BEND3: variants seen among roughly 807,000 people sequenced by gnomAD.
The protein encoded by BEND3 is BEN domain containing 3, also known as BEN domain-containing protein 3.
BEND3 carries 13 observed loss-of-function variants against 60.1 expected under a neutral mutation model. The observed-to-expected ratio is 0.22, with a 90% confidence interval of 0.14 to 0.34. The LOEUF is 0.34. Ranked by LOEUF, BEND3 falls within the 10% of genes least tolerant of loss-of-function variation. BEND3 has a pLI of 1.00. For synonymous variants in BEND3, 497 were observed against 491.5 expected (o/e 1.01, Z -0.15); for missense variants, 896 against 1,138.1 (o/e 0.79, Z 3.06).
intron 1 of BEND3, among the ~76,000 whole-genome samples, chr6:107,111,319 T>A (rs187510934): frequency 4.3e-4 from 65 of 152,298 alleles, no homozygotes; most frequent in African/African-American, 1.5e-3. Flanking sequence ...GAGACCAGCC[T>A]GGCCAACATG....
chr6:107,082,898 A>G (rs1389649532), intron 3 of BEND3, among the ~76,000 whole-genome samples: 2 of 152,194 alleles, frequency 1.3e-5, no homozygotes, highest in Non-Finnish European at 2.9e-5. Flanking sequence ...ATGTAATATG[A>G]CACAGAGAAA....
chr6:107,080,115 G>A (rs1437995930), intron 3 of BEND3, among the ~76,000 whole-genome samples: 2 of 151,828 alleles, frequency 1.3e-5, no homozygotes, highest in African/African-American at 4.8e-5. Context: ...CATTACATAT[G>A]GCTGGCTGTG....
In BEND3 at chr6:107,070,648, G is replaced by A. The variant is rs1582639321; in HGVS notation, c.543C>T (p.Ser181=). ...GGTCGTTGTCAGTGCCTGCCCCGGT[G>A]CTGCCACAGTCCCGCTTCTGTGGCT... ...LNEPQKRDCG[S]TGAGTDNDPN... is the part of the protein sequence containing the mutation. Residue 181 remains serine (S), a synonymous_variant, in exon 4 of 4, where the codon AGC becomes AGT. Transcript: ENST00000369042. This position sits in a 1 kb window ranked among gnomAD's most constrained non-coding sequence, Gnocchi z 6.9. The A allele has an allele frequency of 6.2e-7, 1 of 1,612,442 alleles. No homozygotes were observed. Among genetic ancestry groups the A allele is most frequent in the Non-Finnish European group, 8.5e-7 (1 of 1,179,908 alleles).
chr6:107,109,061 C>T (rs1479492949), intron 1 of BEND3, among the ~76,000 whole-genome samples: 1 of 152,090 alleles, frequency 6.6e-6, no homozygotes, highest in Non-Finnish European at 1.5e-5. Context: ...CCGCCTCAGC[C>T]TCCTAAGGTG....
intron 3 of BEND3, among the ~76,000 whole-genome samples, chr6:107,071,682 C>A (rs1554232107): frequency 6.6e-6 from 1 of 152,162 alleles, no homozygotes; most frequent in African/African-American, 2.4e-5. Context: ...TATATTCATA[C>A]AATGGAATAT....
chr6:107,072,144 C>G (rs1248519007), intron 3 of BEND3, among the ~76,000 whole-genome samples: 1 of 152,200 alleles, frequency 6.6e-6, no homozygotes, highest in African/African-American at 2.4e-5. Flanking sequence ...GTCGGGGGAG[C>G]AGGGAGCCTT....
At chr6:107,071,530 C>T (rs539499966) in intron 3 of BEND3, among the ~76,000 whole-genome samples, 40 of 152,296 alleles carry the variant, frequency 2.6e-4, no homozygotes, top group Non-Finnish European at 4.9e-4. Flanking sequence ...TGGAGAGCGG[C>T]TGTCTGATGC....
At chr6:107,084,979 A>C (rs527725011) in intron 3 of BEND3, among the ~76,000 whole-genome samples, 33 of 152,312 alleles carry the variant, frequency 2.2e-4, no homozygotes, top group African/African-American at 7.7e-4. Context: ...TCTTCACAAT[A>C]AATCTTGCTG....
chr6:107,109,870 G>A (rs1034311187), intron 1 of BEND3, among the ~76,000 whole-genome samples: 2 of 151,674 alleles, frequency 1.3e-5, no homozygotes, highest in Non-Finnish European at 2.9e-5. Flanking sequence ...GCAAAACTCC[G>A]TCTCAAAAAA....
At chr6:107,111,443 G>A (rs1171292679) in intron 1 of BEND3, among the ~76,000 whole-genome samples, 10 of 151,858 alleles carry the variant, frequency 6.6e-5, no homozygotes, top group South Asian at 4.1e-4. Flanking sequence ...CCCAGGAGGC[G>A]TAGGATGCAC....
At position 107,075,265 on chromosome 6, in the gene BEND3, G is replaced by A. The variant is rs185781370; in HGVS notation, c.241-4315C>T. Among the ~76,000 whole-genome samples the A allele has an allele frequency of 9.7e-4, 146 of 149,852 alleles. 1 individual carries two copies. The highest frequency in any genetic ancestry group is 1.5e-3 in the Non-Finnish European group (99 of 67,520). ...AAATAAATAAAGAGGGAGGGAAGGA[G>A]GAAATAAGAAAGCAAAAAGAATAGA... On this transcript the variant is annotated intron_variant, in intron 3 of 3. Coordinates refer to ENST00000369042, the MANE Select transcript of BEND3 (RefSeq NM_001367314.1).
At chr6:107,090,355 A>G (rs961519280) in intron 3 of BEND3, among the ~76,000 whole-genome samples, 1 of 152,152 alleles carries the variant, frequency 6.6e-6, no homozygotes, top group African/African-American at 2.4e-5. Flanking sequence ...TCTCAAGTAA[A>G]TAAATAAATA....
rs782444942 is a variant in BEND3 at position 107,068,872 on chromosome 6, G to A, written c.2319C>T (p.Asp773=). 5.6e-6 allele frequency: 9 copies of A among 1,613,946 alleles called. No individual in the cohort carries two copies. The highest frequency in any genetic ancestry group is 7.6e-6 in the Non-Finnish European group (9 of 1,180,042). The change falls in exon 4 of 4, where the codon GAC becomes GAT. Residue 773 remains aspartate (D), a synonymous_variant. Coordinates refer to ENST00000369042, the MANE Select transcript of BEND3 (RefSeq NM_001367314.1). The surrounding 1 kb of genome is among the most constrained non-coding windows in gnomAD (Gnocchi z 5.8). ...GGCGGATGAGCCGCAGCCGCGTGGGGTCCAGTTGCTTCTTGTTGCAAGCCC... is the reference window on the plus strand; with the variant it reads ...GGCGGATGAGCCGCAGCCGCGTGGGATCCAGTTGCTTCTTGTTGCAAGCCC... ...HSGACNKKQL[D]PTRLRLIRHY...
At chr6:107,103,502 C>A (rs555222461) in intron 1 of BEND3, among the ~76,000 whole-genome samples, 10 of 152,336 alleles carry the variant, frequency 6.6e-5, no homozygotes, top group African/African-American at 2.2e-4. Context: ...TTCTGACATT[C>A]TCTCATTTTC....
At chr6:107,112,219 T>C (rs1554238526) in intron 1 of BEND3, among the ~76,000 whole-genome samples, 1 of 152,168 alleles carries the variant, frequency 6.6e-6, no homozygotes, top group Non-Finnish European at 1.5e-5. Flanking sequence ...CGCTAAAAAG[T>C]AGCAGGTGAG....
intron 3 of BEND3, among the ~76,000 whole-genome samples, chr6:107,078,846 C>T (rs1424821101): frequency 6.6e-6 from 1 of 151,722 alleles, no homozygotes; most frequent in African/African-American, 2.4e-5. Flanking sequence ...TATGGAAGTG[C>T]TGGGTAGAGA....
intron 3 of BEND3, among the ~76,000 whole-genome samples, chr6:107,083,678 T>G (rs537297256): frequency 1.3e-5 from 2 of 151,496 alleles, no homozygotes; most frequent in East Asian, 1.9e-4. Flanking sequence ...AAAAAAAAAG[T>G]CAACATTTTT....
chr6:107,081,696 A>C (rs1248089128), intron 3 of BEND3, among the ~76,000 whole-genome samples: 1 of 151,992 alleles, frequency 6.6e-6, no homozygotes, highest in Non-Finnish European at 1.5e-5. Context: ...CTTTTTCCCT[A>C]AACATGTCAG....
chr6:107,073,255 ATATATATATG>A lies in BEND3; in HGVS notation c.241-2315_241-2306del, dbSNP rs1458723457. 8.8e-4 allele frequency among the ~76,000 whole-genome samples: 20 copies of A among 22,692 alleles called. 2 individuals carry two copies. The highest frequency in any genetic ancestry group is 2.1e-3 in the African/African-American group (17 of 8,082). 14.9% of individuals were successfully genotyped at this position (22,692 alleles called of 152,430 possible). ...TATATATATATATATATATATATAT[ATATATATATG>A]TATGTGAGCAAATGGTCAGTGGCAA... On this transcript the variant is annotated intron_variant, in intron 3 of 3. Transcript: ENST00000369042.
Sources: allele counts gnomAD v4.1 joint callset (sites outside exome capture counted in the v4.1 genomes callset), GRCh38; gene constraint gnomAD v4.1.1; non-coding constraint Gnocchi (gnomAD v3.1); transcripts MANE v1.5; gene names NCBI Gene and HGNC (gene_info 2026-07-23, HGNC 2026-07-21).